Variants in SORCS1 observed in about 807,000 individuals in gnomAD.
SORCS1 encodes the protein sortilin related VPS10 domain containing receptor 1.
In SORCS1, 60 loss-of-function variants were observed where a neutral mutation model predicts 146.1. That is an observed-to-expected ratio of 0.41 (90% CI 0.33 to 0.51). SORCS1 has a LOEUF of 0.51. SORCS1 is among the 20% of genes least tolerant of loss of function. The probability of loss-of-function intolerance (pLI) is 0.21; values close to 1 mark genes in which losing one functional copy is unlikely to be tolerated. For missense variants in SORCS1, 1,352 were observed against 1,487.6 expected, an observed-to-expected ratio of 0.91 and a Z score of 1.50; for synonymous variants, 637 against 584.0, an observed-to-expected ratio of 1.09 and a Z score of -1.31.
intron 3 of SORCS1, among the ~76,000 whole-genome samples, chr10:106,820,237 G>T (rs193093761): frequency 6.6e-5 from 10 of 152,292 alleles, no homozygotes; most frequent in Admixed American, 5.9e-4. Context: ...GCCAGGAAAA[G>T]ATTTTTCTCT....
At chr10:106,718,189 C>T (rs1855519333) in intron 6 of SORCS1, among the ~76,000 whole-genome samples, 1 of 152,178 alleles carries the variant, frequency 6.6e-6, no homozygotes, top group South Asian at 2.1e-4. Flanking sequence ...GGAACACTGG[C>T]TGTGTGTTTT....
At chr10:106,579,120 A>G (rs754826710) in intron 25 of SORCS1, 1 of 1,614,080 alleles carries the variant, frequency 6.2e-7, no homozygotes, top group Non-Finnish European at 8.5e-7. Context: ...CTTCTCATCT[A>G]TAAGCTGGCC....
chr10:106,652,486 T>C lies in SORCS1; in HGVS notation c.2371A>G (p.Lys791Glu). The change falls in exon 18 of 26, where the codon AAG becomes GAG. Residue 791 changes from lysine to glutamate, a missense_variant. Transcript: ENST00000263054. ...CCCCGCGGGGCTTTCCCTGGGCACT[T>C]CTGCGGTTTGGCAGTGTACTGTTCC... ...VREQYTAKPQ[K>E]CPGKAPRGLR... The C allele has an allele frequency of 6.2e-7, 1 of 1,614,154 alleles. No homozygotes were observed. Among genetic ancestry groups the C allele is most frequent in the Non-Finnish European group, 8.5e-7 (1 of 1,180,004 alleles).
At chr10:106,696,441 G>A (rs1447609422) in intron 9 of SORCS1, among the ~76,000 whole-genome samples, 1 of 152,214 alleles carries the variant, frequency 6.6e-6, no homozygotes, top group East Asian at 1.9e-4. Flanking sequence ...GTAATCAGCA[G>A]ATACGGCACT....
At chr10:106,962,394 C>CAAAAAAAAAAAAAAAAAAAAA (rs60616146) in intron 1 of SORCS1, among the ~76,000 whole-genome samples, 8 of 62,544 alleles carry the variant, frequency 1.3e-4, no homozygotes, top group Admixed American at 2.4e-4. Context: ...AACTCCATCT[C>CAAAAAAAAAAAAAAAAAAAAA]AAAAAAAAAA....
intron 24 of SORCS1, among the ~76,000 whole-genome samples, chr10:106,584,203 A>G (rs1845086656): frequency 6.6e-6 from 1 of 152,222 alleles, no homozygotes; most frequent in African/African-American, 2.4e-5. Flanking sequence ...TCCAGAATGC[A>G]GAATAGGCAG....
intron 17 of SORCS1, 34 bp downstream of exon 17, chr10:106,667,655 T>G (rs745754433): frequency 2.7e-6 from 4 of 1,473,232 alleles, no homozygotes; most frequent in Non-Finnish European, 3.8e-6. Flanking sequence ...GCAGCAAAGG[T>G]TGGCCTCTCA....
At chr10:106,951,293 C>T (rs555005898) in intron 2 of SORCS1, among the ~76,000 whole-genome samples, 6 of 152,072 alleles carry the variant, frequency 3.9e-5, no homozygotes, top group South Asian at 4.2e-4. Flanking sequence ...GGGTGGATCA[C>T]GAGGTCAGGA....
chr10:106,974,731 AAAAG>A (rs367842727), intron 1 of SORCS1, among the ~76,000 whole-genome samples: 1 of 152,190 alleles, frequency 6.6e-6, no homozygotes, highest in South Asian at 2.1e-4. Context: ...GGCTCAGGTC[AAAAG>A]AAAGAAGGAC....
intron 2 of SORCS1, among the ~76,000 whole-genome samples, chr10:106,947,491 C>T (rs1414674481): frequency 2.6e-5 from 4 of 152,162 alleles, no homozygotes; most frequent in Non-Finnish European, 5.9e-5. Context: ...GACTAGCTGG[C>T]TGTCAGACCA....
intron 1 of SORCS1, among the ~76,000 whole-genome samples, chr10:107,079,069 CAA>C: frequency 6.6e-6 from 1 of 151,956 alleles, no homozygotes; most frequent in East Asian, 1.9e-4. Flanking sequence ...ACTAAAAATA[CAA>C]AAAAATTAGC....
At chr10:107,023,824 G>T (rs997137947) in intron 1 of SORCS1, among the ~76,000 whole-genome samples, 1 of 152,042 alleles carries the variant, frequency 6.6e-6, no homozygotes. Flanking sequence ...GTGGTCAGAG[G>T]ATCAGCCACA....
intron 18 of SORCS1, among the ~76,000 whole-genome samples, chr10:106,637,897 A>T (rs1848821220): frequency 6.6e-6 from 1 of 152,206 alleles, no homozygotes; most frequent in Admixed American, 6.5e-5. Context: ...AGTACCATGT[A>T]TTTGACTGAA....
rs2136156631 is a variant in SORCS1 at position 106,748,072 on chromosome 10, G to A, written c.959+13516C>T. Among the ~76,000 whole-genome samples, 3 of 152,038 alleles carry A rather than the reference G, an allele frequency of 2.0e-5. No individual in the cohort carries two copies. The East Asian group carries it at 5.8e-4, about 29-fold the overall frequency. ...ATTTTAACATCTTGTACATCAGTAG[G>A]TATCTTATGATTGTTCAAATGTTAT... On this transcript the variant is annotated intron_variant, in intron 5 of 25. Coordinates refer to ENST00000263054, the MANE Select transcript of SORCS1 (RefSeq NM_052918.5).
intron 1 of SORCS1, among the ~76,000 whole-genome samples, chr10:107,139,200 G>T (rs1430559077): frequency 6.6e-6 from 1 of 152,116 alleles, no homozygotes; most frequent in African/African-American, 2.4e-5. Flanking sequence ...AAAAGAAATT[G>T]CAGGTAGAAA....
At chr10:106,653,273 C>A (rs534360120) in intron 17 of SORCS1, among the ~76,000 whole-genome samples, 2 of 152,284 alleles carry the variant, frequency 1.3e-5, no homozygotes, top group African/African-American at 4.8e-5. Context: ...GGATGACAAA[C>A]CTTTAAGATT....
intron 2 of SORCS1, among the ~76,000 whole-genome samples, chr10:106,890,311 C>G (rs999185601): frequency 3.3e-5 from 5 of 152,046 alleles, no homozygotes; most frequent in Non-Finnish European, 7.4e-5. Context: ...TTTTCTATCT[C>G]TAAATAATCT....
intron 22 of SORCS1, among the ~76,000 whole-genome samples, chr10:106,608,292 T>C (rs568787834): frequency 4.0e-4 from 61 of 152,368 alleles, no homozygotes; most frequent in African/African-American, 1.3e-3. Context: ...TTTCTCAATA[T>C]TTCAGCTTTT....
chr10:106,778,059 T>C (rs1324192720), intron 3 of SORCS1, among the ~76,000 whole-genome samples: 2 of 152,122 alleles, frequency 1.3e-5, no homozygotes, highest in Admixed American at 6.5e-5. Flanking sequence ...TGGAGCTTTC[T>C]CAAGCATTTG....
Sources: allele counts gnomAD v4.1 joint callset (sites outside exome capture counted in the v4.1 genomes callset), GRCh38; gene constraint gnomAD v4.1.1; transcripts MANE v1.5; gene names NCBI Gene and HGNC (gene_info 2026-07-23, HGNC 2026-07-21).